Variants in LRRC4C observed in about 807,000 individuals in gnomAD.
LRRC4C encodes the protein leucine rich repeat containing 4C.
In LRRC4C, 5 loss-of-function variants were observed where a neutral mutation model predicts 33.6. The observed-to-expected ratio is 0.15, with a 90% confidence interval of 0.08 to 0.31. The LOEUF (loss-of-function observed/expected upper bound fraction) is 0.31. LRRC4C is among the 10% of genes least tolerant of loss of function. LRRC4C has a pLI of 1.00. For missense variants in LRRC4C, 560 were observed against 796.7 expected (o/e 0.70, Z 3.58); for synonymous variants, 329 against 302.0 (o/e 1.09, Z -0.93).
intron 1 of LRRC4C, among the ~76,000 whole-genome samples, chr11:41,333,064 A>G (rs1207331896): frequency 1.3e-5 from 2 of 152,340 alleles, no homozygotes; most frequent in East Asian, 1.9e-4. Context: ...CTGTTTTTGA[A>G]GGGGAAACAC....
rs979147761 is a variant in LRRC4C at position 40,945,975 on chromosome 11, G to T, written c.-495-12252C>A. Reference sequence around the variant, plus strand: ...TTAGATTTGGTGGGTCCACGTGCAGGTTTGTTATATTTGTATATTGCATAA... The same window carrying T: ...TTAGATTTGGTGGGTCCACGTGCAGTTTTGTTATATTTGTATATTGCATAA... On this transcript the variant is annotated intron_variant, in intron 1 of 6. Coordinates refer to ENST00000528697, the MANE Select transcript of LRRC4C (RefSeq NM_001258419.2). Among the ~76,000 whole-genome samples, 3 of 152,240 alleles carry T rather than the reference G, an allele frequency of 2.0e-5. No homozygotes were observed. In the East Asian group the frequency reaches 5.8e-4, roughly 29 times the overall value.
Position 40,803,588 on chromosome 11 carries a change from T to A in LRRC4C, c.-407+130047A>T, listed in dbSNP as rs546724170. Among the ~76,000 whole-genome samples, 10 of 152,224 alleles carry A rather than the reference T, an allele frequency of 6.6e-5. No homozygotes were observed. The East Asian group carries it at 1.2e-3, about 18-fold the overall frequency. Reference sequence around the variant, plus strand: ...AAATTGTCTATATGGTCATTTTTTTTAATATTTAATTTTTAATTAATTAAT... The same window carrying A: ...AAATTGTCTATATGGTCATTTTTTTAAATATTTAATTTTTAATTAATTAAT... On this transcript the variant is annotated intron_variant, in intron 2 of 6. Transcript: ENST00000528697.
chr11:40,307,820 G>A (rs932074513), intron 4 of LRRC4C, among the ~76,000 whole-genome samples: 15 of 152,136 alleles, frequency 9.9e-5, no homozygotes, highest in African/African-American at 3.4e-4. Flanking sequence ...AAAAAAGTTA[G>A]AGAATACAAA....
At chr11:40,887,447 A>G (rs1381125662) in intron 2 of LRRC4C, among the ~76,000 whole-genome samples, 1 of 152,002 alleles carries the variant, frequency 6.6e-6, no homozygotes, top group Admixed American at 6.6e-5. Context: ...GTTGAACCTG[A>G]ATATTATCAA....
At chr11:41,176,233 G>C (rs1030501940) in intron 1 of LRRC4C, among the ~76,000 whole-genome samples, 1 of 152,020 alleles carries the variant, frequency 6.6e-6, no homozygotes, top group Non-Finnish European at 1.5e-5. Flanking sequence ...TTTAAAACCT[G>C]GTTCATTTTA....
intron 2 of LRRC4C, among the ~76,000 whole-genome samples, chr11:40,876,465 A>T (rs1011042366): frequency 2.6e-5 from 4 of 151,992 alleles, no homozygotes; most frequent in Non-Finnish European, 5.9e-5. Context: ...CAGCCATGTT[A>T]TCTGCCAACT....
chr11:40,121,450 T>G (rs1855820033), intron 6 of LRRC4C, among the ~76,000 whole-genome samples: 1 of 152,238 alleles, frequency 6.6e-6, no homozygotes, highest in Non-Finnish European at 1.5e-5. Flanking sequence ...CTAAATTATG[T>G]TACTTTATAT....
At chr11:40,597,109 G>A (rs1256749879) in intron 3 of LRRC4C, among the ~76,000 whole-genome samples, 3 of 152,090 alleles carry the variant, frequency 2.0e-5, no homozygotes, top group African/African-American at 7.2e-5. Flanking sequence ...TTAAGAATCA[G>A]GCTCATCTTC....
At chr11:41,196,393 A>C (rs1022688132) in intron 1 of LRRC4C, among the ~76,000 whole-genome samples, 2 of 152,218 alleles carry the variant, frequency 1.3e-5, no homozygotes, top group East Asian at 1.9e-4. Context: ...ACTCATCAAC[A>C]TAAGAGTAAT....
At chr11:40,244,556 C>T (rs1015611907) in intron 4 of LRRC4C, among the ~76,000 whole-genome samples, 2 of 152,180 alleles carry the variant, frequency 1.3e-5, no homozygotes, top group Admixed American at 6.5e-5. Context: ...TTCAAGCCCA[C>T]TAAATTTTCC....
chr11:41,306,267 A>T (rs1302437411), intron 1 of LRRC4C, among the ~76,000 whole-genome samples: 1 of 152,150 alleles, frequency 6.6e-6, no homozygotes, highest in Non-Finnish European at 1.5e-5. Flanking sequence ...TATTACCACT[A>T]CTAGTTCTTA....
chr11:41,138,533 GAAAGAGAAGTTAGTTAA>G (rs1943363766), intron 1 of LRRC4C, among the ~76,000 whole-genome samples: 1 of 152,140 alleles, frequency 6.6e-6, no homozygotes, highest in Admixed American at 6.5e-5. Flanking sequence ...TATAAATATT[GAAAGAGAAGTTAGTTAA>G]AAAGGACATG....
At chr11:40,827,089 A>G (rs1313728310) in intron 2 of LRRC4C, among the ~76,000 whole-genome samples, 2 of 151,902 alleles carry the variant, frequency 1.3e-5, no homozygotes, top group Admixed American at 1.3e-4. Flanking sequence ...TTGATTCCCA[A>G]TATCATAAAA....
At chr11:41,153,940 G>A (rs1944111989) in intron 1 of LRRC4C, among the ~76,000 whole-genome samples, 2 of 152,132 alleles carry the variant, frequency 1.3e-5, no homozygotes, top group African/African-American at 2.4e-5. Context: ...AGATGGCAGA[G>A]ACCACAGAGG....
At chr11:41,068,345 C>T (rs1165432432) in intron 1 of LRRC4C, among the ~76,000 whole-genome samples, 2 of 152,108 alleles carry the variant, frequency 1.3e-5, no homozygotes, top group East Asian at 1.9e-4. Context: ...GTGAGCTGAG[C>T]GTGCCACCGC....
chr11:40,356,359 G>A (rs1261500134), intron 3 of LRRC4C, among the ~76,000 whole-genome samples: 1 of 152,066 alleles, frequency 6.6e-6, no homozygotes, highest in African/African-American at 2.4e-5. Context: ...AGGATTACGT[G>A]GGACATAGTA....
chr11:40,135,151 A>G (rs1360634561), intron 6 of LRRC4C, among the ~76,000 whole-genome samples: 1 of 152,226 alleles, frequency 6.6e-6, no homozygotes, highest in Non-Finnish European at 1.5e-5. Flanking sequence ...GACATGTCAG[A>G]TAATGGAAAT....
At chr11:40,876,152 C>T (rs989568045) in intron 2 of LRRC4C, among the ~76,000 whole-genome samples, 1 of 151,892 alleles carries the variant, frequency 6.6e-6, no homozygotes, top group African/African-American at 2.4e-5. Flanking sequence ...ACTTTTAAGG[C>T]CACTGTCATT....
At chr11:40,694,708 T>C (rs1591483444) in intron 2 of LRRC4C, among the ~76,000 whole-genome samples, 1 of 152,030 alleles carries the variant, frequency 6.6e-6, no homozygotes, top group Non-Finnish European at 1.5e-5. Flanking sequence ...GAAAACATAC[T>C]CCCAGCAGCC....
Sources: allele counts gnomAD v4.1 joint callset (sites outside exome capture counted in the v4.1 genomes callset), GRCh38; gene constraint gnomAD v4.1.1; transcripts MANE v1.5; gene names NCBI Gene and HGNC (gene_info 2026-07-23, HGNC 2026-07-21).